Variants in FRMD4A observed in about 807,000 individuals in gnomAD.
FRMD4A encodes the protein FERM domain-containing protein 4A.
FRMD4A carries 29 observed loss-of-function variants against 129.1 expected under a neutral mutation model. The observed-to-expected ratio is 0.22, with a 90% confidence interval of 0.17 to 0.31. The LOEUF (loss-of-function observed/expected upper bound fraction) is 0.31, where lower values mean the gene tolerates loss of function less well. Ranked by LOEUF, FRMD4A falls within the 10% of genes least tolerant of loss-of-function variation. The pLI, the probability that FRMD4A is intolerant of heterozygous loss-of-function variation, is 1.00. For synonymous variants in FRMD4A, 634 were observed against 571.6 expected (o/e 1.11, Z -1.56); for missense variants, 1,272 against 1,375.8 (o/e 0.92, Z 1.19).
intron 2 of FRMD4A, among the ~76,000 whole-genome samples, chr10:13,889,253 T>C (rs2610797): frequency 0.98 from 148,840 of 152,320 alleles, 72,801 homozygotes; most frequent in East Asian, 1. Context: ...CAAACCAATC[T>C]CACTTTTTGC....
At chr10:14,187,156 A>G (rs866732324) in intron 2 of FRMD4A, among the ~76,000 whole-genome samples, 7 of 132,320 alleles carry the variant, frequency 5.3e-5, no homozygotes, top group African/African-American at 1.9e-4. Flanking sequence ...GGAAAGAAGG[A>G]AGGGAGGGAG....
chr10:13,837,585 G>T (rs1202242776), intron 3 of FRMD4A, among the ~76,000 whole-genome samples: 1 of 152,202 alleles, frequency 6.6e-6, no homozygotes, highest in East Asian at 1.9e-4. Context: ...GCCAGATGAG[G>T]CAGCTTCTAA....
At chr10:14,144,041 A>G (rs1169614001) in intron 2 of FRMD4A, among the ~76,000 whole-genome samples, 1 of 152,194 alleles carries the variant, frequency 6.6e-6, no homozygotes, top group African/African-American at 2.4e-5. Context: ...TTTAAGAGTT[A>G]GAATAAAATG....
intron 2 of FRMD4A, among the ~76,000 whole-genome samples, chr10:13,893,138 G>C (rs1286718252): frequency 6.6e-6 from 1 of 152,136 alleles, no homozygotes; most frequent in Admixed American, 6.5e-5. Flanking sequence ...CTGGGCTCAA[G>C]TGATCTTCCT....
At chr10:13,801,130 C>T (rs143625934) in intron 4 of FRMD4A, among the ~76,000 whole-genome samples, 3,543 of 152,234 alleles carry the variant, frequency 0.023, 51 homozygotes, top group Non-Finnish European at 0.034. Flanking sequence ...GCCTGTAGTC[C>T]CAGCTTCTTG....
intron 12 of FRMD4A, among the ~76,000 whole-genome samples, chr10:13,725,868 C>T (rs2089854260): frequency 6.6e-6 from 1 of 152,230 alleles, no homozygotes; most frequent in African/African-American, 2.4e-5. Flanking sequence ...GAATGAGAAA[C>T]TCTGTGACAA....
chr10:14,265,494 A>C (rs1031634169), intron 2 of FRMD4A, among the ~76,000 whole-genome samples: 1 of 152,214 alleles, frequency 6.6e-6, no homozygotes, highest in Non-Finnish European at 1.5e-5. Context: ...AAATTTTAAA[A>C]AGTAAATCAT....
chr10:14,261,077 G>T (rs1844785086), intron 2 of FRMD4A, among the ~76,000 whole-genome samples: 1 of 150,702 alleles, frequency 6.6e-6, no homozygotes, highest in Admixed American at 6.6e-5. Flanking sequence ...GGACTGAGAG[G>T]AGTTAGAGTC....
intron 2 of FRMD4A, among the ~76,000 whole-genome samples, chr10:14,125,957 A>G (rs1406991993): frequency 6.6e-6 from 1 of 152,024 alleles, no homozygotes; most frequent in Non-Finnish European, 1.5e-5. Flanking sequence ...ATGAGCTCTA[A>G]CTCCACTTTA....
chr10:13,749,161 C>T (rs1479282245), intron 8 of FRMD4A, among the ~76,000 whole-genome samples: 3 of 152,162 alleles, frequency 2.0e-5, no homozygotes, highest in Admixed American at 6.5e-5. Context: ...CTATCCTGGT[C>T]CACCAAAGAG....
chr10:13,866,277 TC>T, intron 2 of FRMD4A: 2 of 982,498 alleles, frequency 2.0e-6, no homozygotes, highest in Non-Finnish European at 2.4e-6. Flanking sequence ...CAGCACGTCT[TC>T]CCCGAGCACA....
intron 2 of FRMD4A, among the ~76,000 whole-genome samples, chr10:14,302,014 A>G (rs1271056044): frequency 6.6e-6 from 1 of 152,196 alleles, no homozygotes; most frequent in African/African-American, 2.4e-5. Context: ...GGGGAAAGAA[A>G]AGTCTGAAAC....
At chr10:14,217,765 C>T (rs571564861) in intron 2 of FRMD4A, among the ~76,000 whole-genome samples, 93 of 152,166 alleles carry the variant, frequency 6.1e-4, no homozygotes, top group African/African-American at 1.9e-3. Context: ...AAAATTCTCA[C>T]GCAGGTGCTG....
At chr10:13,651,096 C>G (rs549049470) in intron 24 of FRMD4A, 1 of 152,340 alleles carries the variant, frequency 6.6e-6, no homozygotes, top group South Asian at 2.1e-4. Context: ...CTGTTATCTG[C>G]CCCTGTGCTT....
rs542178158 is a variant in FRMD4A, at chr10:13,674,719, G to A, written c.1251+192C>T. Among the ~76,000 whole-genome samples the A allele has an allele frequency of 6.6e-5, 10 of 152,346 alleles. No individual in the cohort carries two copies. In the South Asian group the frequency reaches 2.1e-3, roughly 32 times the overall value. On this transcript the variant is annotated intron_variant, in intron 16 of 24. Coordinates refer to ENST00000357447, the MANE Select transcript of FRMD4A (RefSeq NM_018027.5). Reference sequence around the variant, plus strand: ...CAAAGCACATTAGAGAGGTTTGGATGTTTCCAACATTTGTGTTTCAGGAGA... The same window carrying A: ...CAAAGCACATTAGAGAGGTTTGGATATTTCCAACATTTGTGTTTCAGGAGA...
At chr10:14,255,734 G>A (rs867178465) in intron 2 of FRMD4A, among the ~76,000 whole-genome samples, 36 of 152,240 alleles carry the variant, frequency 2.4e-4, no homozygotes, top group African/African-American at 7.9e-4. Flanking sequence ...CAGGCTGGGC[G>A]GTGGCTCATG....
At chr10:14,109,178 C>G (rs1257741873) in intron 2 of FRMD4A, among the ~76,000 whole-genome samples, 1 of 147,058 alleles carries the variant, frequency 6.8e-6, no homozygotes, top group Non-Finnish European at 1.5e-5. Context: ...CAAATATGGA[C>G]TAGGGAGATA....
At chr10:14,045,954 T>C (rs1470494982) in intron 2 of FRMD4A, among the ~76,000 whole-genome samples, 1 of 148,670 alleles carries the variant, frequency 6.7e-6, no homozygotes, top group Non-Finnish European at 1.5e-5. Context: ...TTTATACATA[T>C]GTATTCATAT....
intron 2 of FRMD4A, among the ~76,000 whole-genome samples, chr10:14,219,897 C>T (rs1245385815): frequency 6.6e-6 from 1 of 152,172 alleles, no homozygotes. Flanking sequence ...GAACTACTTG[C>T]TATTGAGAGT....
Sources: allele counts gnomAD v4.1 joint callset (sites outside exome capture counted in the v4.1 genomes callset), GRCh38; gene constraint gnomAD v4.1.1; transcripts MANE v1.5; gene names NCBI Gene and HGNC (gene_info 2026-07-23, HGNC 2026-07-21).